The following LEF1 variants were observed in gnomAD, a reference collection of about 807,000 sequenced individuals.
LEF1 encodes the protein lymphoid enhancer-binding factor 1.
In LEF1, 14 loss-of-function variants were observed where a neutral mutation model predicts 51.2. That is an observed-to-expected ratio of 0.27 (90% CI 0.18 to 0.43). The LOEUF is 0.43. Ranked by LOEUF, LEF1 falls within the 20% of genes least tolerant of loss-of-function variation. The probability of loss-of-function intolerance (pLI) is 1.00; values close to 1 mark genes in which losing one functional copy is unlikely to be tolerated. For missense variants in LEF1, 386 were observed against 512.0 expected (o/e 0.75, Z 2.37); for synonymous variants, 185 against 183.2 (o/e 1.01, Z -0.08).
chr4:108,140,851 A>G (rs1470116621), intron 3 of LEF1, among the ~76,000 whole-genome samples: 1 of 152,228 alleles, frequency 6.6e-6, no homozygotes, highest in Admixed American at 6.5e-5. Flanking sequence ...AGGAAACTTC[A>G]ACACATTTGA....
chr4:108,166,506 A>C, intron 1 of LEF1: 1 of 1,356,726 alleles, frequency 7.4e-7, no homozygotes, highest in Non-Finnish European at 9.5e-7. Flanking sequence ...CCAGTTGTGG[A>C]ACAAGGGTGA....
At chr4:108,156,838 G>T (rs1174980967) in intron 3 of LEF1, among the ~76,000 whole-genome samples, 1 of 151,572 alleles carries the variant, frequency 6.6e-6, no homozygotes, top group Non-Finnish European at 1.5e-5. Flanking sequence ...ACGATAGACA[G>T]TAGAGACTCA....
chr4:108,092,204 C>T (rs1011766928), intron 3 of LEF1, among the ~76,000 whole-genome samples: 3 of 152,030 alleles, frequency 2.0e-5, no homozygotes, highest in East Asian at 1.9e-4. Context: ...GATAAGAAGC[C>T]GAGGATTTTA....
intron 3 of LEF1, among the ~76,000 whole-genome samples, chr4:108,142,893 A>C (rs1489392743): frequency 1.3e-5 from 2 of 152,254 alleles, no homozygotes; most frequent in Admixed American, 6.5e-5. Context: ...CTCGTTTAAC[A>C]AAGTCCCCTT....
At chr4:108,108,520 A>C (rs1741319252) in intron 3 of LEF1, among the ~76,000 whole-genome samples, 1 of 152,156 alleles carries the variant, frequency 6.6e-6, no homozygotes, top group Non-Finnish European at 1.5e-5. Context: ...CTGTATGTAT[A>C]AAATAAATTA....
intron 3 of LEF1, among the ~76,000 whole-genome samples, chr4:108,130,828 C>T (rs1406167746): frequency 1.3e-5 from 2 of 151,844 alleles, no homozygotes; most frequent in African/African-American, 4.8e-5. Context: ...AACTTAAACA[C>T]TCCACTAACA....
intron 3 of LEF1, among the ~76,000 whole-genome samples, chr4:108,130,468 C>T (rs777372298): frequency 4.0e-5 from 6 of 151,830 alleles, no homozygotes; most frequent in Admixed American, 1.3e-4. Flanking sequence ...GCCTGCAATC[C>T]TAGCACTTTG....
chr4:108,137,847 T>C (rs564702209), intron 3 of LEF1, among the ~76,000 whole-genome samples: 1 of 152,278 alleles, frequency 6.6e-6, no homozygotes, highest in East Asian at 1.9e-4. Context: ...ATCAACCCAA[T>C]ATAACATGCC....
intron 11 of LEF1, among the ~76,000 whole-genome samples, chr4:108,054,946 C>A (rs891754901): frequency 2.0e-5 from 3 of 152,176 alleles, no homozygotes; most frequent in African/African-American, 7.2e-5. Context: ...CTATGAGCAG[C>A]AGGATTTCCC....
chr4:108,063,588 T>G (rs781438459), intron 11 of LEF1, 35 bp downstream of exon 11: 6 of 1,545,610 alleles, frequency 3.9e-6, no homozygotes, highest in Non-Finnish European at 4.4e-6. Flanking sequence ...TTATAACAAC[T>G]AACGTCAGCA....
chr4:108,117,258 A>C (rs942781656), intron 3 of LEF1, among the ~76,000 whole-genome samples: 4 of 152,212 alleles, frequency 2.6e-5, no homozygotes, highest in Non-Finnish European at 4.4e-5. Flanking sequence ...TTTAAAAAAA[A>C]CCCTGATATT....
chr4:108,124,075 G>C (rs889678599), intron 3 of LEF1, among the ~76,000 whole-genome samples: 1 of 152,156 alleles, frequency 6.6e-6, no homozygotes. Context: ...TTGAGCCCAG[G>C]AGGTTGAGGC....
At chr4:108,148,768 C>G (rs1211336059) in intron 3 of LEF1, among the ~76,000 whole-genome samples, 1 of 152,142 alleles carries the variant, frequency 6.6e-6, no homozygotes, top group Non-Finnish European at 1.5e-5. Context: ...TATCCTTAAA[C>G]TTTAGGATTA....
At chr4:108,150,535 T>C (rs1020533905) in intron 3 of LEF1, among the ~76,000 whole-genome samples, 5 of 152,210 alleles carry the variant, frequency 3.3e-5, no homozygotes, top group Admixed American at 1.3e-4. Flanking sequence ...GAACCTTTTA[T>C]TTAAGCCATT....
At chr4:108,063,812 G>T in intron 10 of LEF1, 149 bp from the exon 11 acceptor site, 1 of 552,008 alleles carries the variant, frequency 1.8e-6, no homozygotes. Flanking sequence ...TACAAGTAGT[G>T]GCCTTATTTT....
At chr4:108,163,032 T>C (rs1019939588) in intron 3 of LEF1, among the ~76,000 whole-genome samples, 5 of 151,844 alleles carry the variant, frequency 3.3e-5, no homozygotes, top group Admixed American at 2.6e-4. Flanking sequence ...CTTTGAGTGA[T>C]GCTTTCTCAA....
chr4:108,155,782 G>A (rs1314455404), intron 3 of LEF1, among the ~76,000 whole-genome samples: 1 of 152,188 alleles, frequency 6.6e-6, no homozygotes, highest in Non-Finnish European at 1.5e-5. Flanking sequence ...CCCGACATTA[G>A]ATCTCAGGTC....
intron 3 of LEF1, among the ~76,000 whole-genome samples, chr4:108,103,353 G>C (rs1174384139): frequency 6.6e-6 from 1 of 152,216 alleles, no homozygotes; most frequent in Non-Finnish European, 1.5e-5. Flanking sequence ...GGGATGTCAA[G>C]AAAGAATGTA....
intron 6 of LEF1, among the ~76,000 whole-genome samples, chr4:108,081,320 G>A (rs898023600): frequency 6.6e-6 from 1 of 152,070 alleles, no homozygotes; most frequent in Non-Finnish European, 1.5e-5. Context: ...CAGTCAGGCG[G>A]CCATGAATTT....
Sources: allele counts gnomAD v4.1 joint callset (sites outside exome capture counted in the v4.1 genomes callset), GRCh38; gene constraint gnomAD v4.1.1; transcripts MANE v1.5; gene names NCBI Gene and HGNC (gene_info 2026-07-23, HGNC 2026-07-21).